Variants in CCDC146 observed in about 807,000 individuals in gnomAD.
CCDC146 encodes coiled-coil domain containing 146.
Under a neutral mutation model 119.3 loss-of-function variants are expected in CCDC146, and 92 were observed. The ratio of observed to expected loss-of-function variants is 0.77; its 90% confidence interval spans 0.65 to 0.92. CCDC146 has a LOEUF of 0.92. Among genes scored for constraint, CCDC146 ranks in the 40% least tolerant of loss-of-function variants. The probability of loss-of-function intolerance (pLI) is 0.00; values close to 1 mark genes in which losing one functional copy is unlikely to be tolerated. For synonymous variants in CCDC146, 372 were observed against 371.8 expected, an observed-to-expected ratio of 1.00 and a Z score of -0.01; for missense variants, 1,000 against 1,103.0, an observed-to-expected ratio of 0.91 and a Z score of 1.32.
At chr7:77,198,127 CGGTGAA>C in intron 2 of CCDC146, 1 of 985,130 alleles carries the variant, frequency 1.0e-6, no homozygotes, top group Non-Finnish European at 1.2e-6. Context: ...GTCACCTAAG[CGGTGAA>C]CCTTGGATTC....
intron 4 of CCDC146, 28 bp downstream of exon 4, chr7:77,241,928 T>C (rs1292020488): frequency 6.5e-7 from 1 of 1,543,790 alleles, no homozygotes; most frequent in African/African-American, 1.4e-5. Context: ...TCCGGCACAC[T>C]GAAAAGTCTT....
At chr7:77,145,831 C>T (rs1352004624) in intron 1 of CCDC146, among the ~76,000 whole-genome samples, 1 of 152,126 alleles carries the variant, frequency 6.6e-6, no homozygotes, top group African/African-American at 2.4e-5. Flanking sequence ...GAGTGCTTTA[C>T]TTCCAACTAA....
chr7:77,209,915 G>A (rs963049986), intron 2 of CCDC146, among the ~76,000 whole-genome samples: 1 of 152,236 alleles, frequency 6.6e-6, no homozygotes, highest in Non-Finnish European at 1.5e-5. Context: ...GCTGCACAGA[G>A]CAGTGGGGCC....
At chr7:77,209,799 G>A (rs1792148255) in intron 2 of CCDC146, among the ~76,000 whole-genome samples, 1 of 152,198 alleles carries the variant, frequency 6.6e-6, no homozygotes, top group Non-Finnish European at 1.5e-5. Context: ...AAGCCATCAA[G>A]GCTTGGGGCT....
chr7:77,164,530 A>T (rs1791313052), intron 1 of CCDC146, among the ~76,000 whole-genome samples: 1 of 152,212 alleles, frequency 6.6e-6, no homozygotes, highest in African/African-American at 2.4e-5. Context: ...GAGCCTCCTG[A>T]TGGAAGTATA....
intron 2 of CCDC146, among the ~76,000 whole-genome samples, chr7:77,224,273 G>T (rs1584088247): frequency 6.6e-6 from 1 of 152,160 alleles, no homozygotes; most frequent in South Asian, 2.1e-4. Context: ...TTAGTTGCTT[G>T]CCTTTTCCAG....
intron 4 of CCDC146, among the ~76,000 whole-genome samples, chr7:77,252,554 T>C (rs1793095638): frequency 6.6e-6 from 1 of 152,222 alleles, no homozygotes; most frequent in Admixed American, 6.5e-5. Flanking sequence ...TGAGTTTTAA[T>C]TTGATGGGCC....
intron 2 of CCDC146, among the ~76,000 whole-genome samples, chr7:77,212,950 ATTTTTT>A (rs5885013): frequency 3.4e-4 from 38 of 111,284 alleles, no homozygotes; most frequent in Middle Eastern, 4.7e-3. Flanking sequence ...GGTCACATTA[ATTTTTT>A]TTTTTTTTTT....
At chr7:77,199,522 C>G (rs148297585) in intron 2 of CCDC146, 2 of 1,614,140 alleles carry the variant, frequency 1.2e-6, no homozygotes, top group Admixed American at 3.3e-5. Context: ...TTTCTTTAGA[C>G]TATTTACGAT....
In CCDC146 at chr7:77,230,198, T is replaced by G. The variant is rs1178621989; in HGVS notation, c.157-6749T>G. 2.6e-5 allele frequency among the ~76,000 whole-genome samples: 4 copies of G among 152,224 alleles called. No homozygotes were observed. In the East Asian group the frequency reaches 5.8e-4, roughly 22 times the overall value. Reference sequence around the variant, plus strand: ...TTTTGTTTGTCCATTTGTCAATTGATGGACTTGTAGGTTGTTTCTCTTTTT... The same window carrying G: ...TTTTGTTTGTCCATTTGTCAATTGAGGGACTTGTAGGTTGTTTCTCTTTTT... On this transcript the variant is annotated intron_variant, in intron 2 of 18. Transcript: ENST00000285871.
At position 77,256,527 on chromosome 7, in the gene CCDC146, G is replaced by T; in HGVS notation, c.684+18G>T. Reference sequence around the variant, plus strand: ...TCCTAAAGGTGTGCTACTTACCGTTGATATTTAAACATTGTGCCTTGCATG... The same window carrying T: ...TCCTAAAGGTGTGCTACTTACCGTTTATATTTAAACATTGTGCCTTGCATG... On this transcript the variant is annotated intron_variant, in intron 6 of 18. Coordinates refer to ENST00000285871, the MANE Select transcript of CCDC146 (RefSeq NM_020879.3). 1 of 1,583,578 alleles carries T rather than the reference G, an allele frequency of 6.3e-7. No homozygotes were observed.
intron 2 of CCDC146, chr7:77,199,742 C>T (rs770148938): frequency 3.1e-6 from 5 of 1,613,942 alleles, no homozygotes; most frequent in Non-Finnish European, 4.2e-6. Flanking sequence ...ACCAAAAAAC[C>T]GTAAGTGGCA....
In CCDC146 at chr7:77,251,381, C is replaced by T. The variant is rs1166354133; in HGVS notation, c.450-3125C>T. On this transcript the variant is annotated intron_variant, in intron 4 of 18. Coordinates refer to ENST00000285871, the MANE Select transcript of CCDC146 (RefSeq NM_020879.3). ...TTCTCTCTACTTAAACTGCCCATTT[C>T]GGGATTGAGTTTATCTGTTAGCGTT... is the stretch of plus-strand genomic sequence containing the variant. Among the ~76,000 whole-genome samples, 5 of 152,180 alleles carry T rather than the reference C, an allele frequency of 3.3e-5. No homozygotes were observed. In the South Asian group the frequency reaches 6.2e-4, roughly 19 times the overall value.
intron 2 of CCDC146, among the ~76,000 whole-genome samples, chr7:77,215,403 T>G (rs550263270): frequency 6.6e-6 from 1 of 152,214 alleles, no homozygotes; most frequent in Non-Finnish European, 1.5e-5. Flanking sequence ...GAGGCTCATT[T>G]GTTTCCATGC....
intron 17 of CCDC146, among the ~76,000 whole-genome samples, chr7:77,289,375 C>T (rs1015444826): frequency 2.6e-5 from 4 of 152,134 alleles, no homozygotes; most frequent in Non-Finnish European, 5.9e-5. Flanking sequence ...AATTATTCTC[C>T]CCTTTCCTTT....
At chr7:77,123,732 A>G (rs1790657719) in intron 1 of CCDC146, among the ~76,000 whole-genome samples, 1 of 152,172 alleles carries the variant, frequency 6.6e-6, no homozygotes, top group African/African-American at 2.4e-5. Flanking sequence ...TCTCATGGGT[A>G]CAAGTCTCAG....
chr7:77,200,441 G>A (rs970573817), intron 2 of CCDC146, among the ~76,000 whole-genome samples: 2 of 152,236 alleles, frequency 1.3e-5, no homozygotes, highest in East Asian at 3.8e-4. Flanking sequence ...CCGTAGCATA[G>A]TGTATATTAA....
At chr7:77,245,082 T>C (rs1349696266) in intron 4 of CCDC146, among the ~76,000 whole-genome samples, 1 of 152,254 alleles carries the variant, frequency 6.6e-6, no homozygotes, top group Non-Finnish European at 1.5e-5. Context: ...TTTTTTTGTG[T>C]ATGTTCACAT....
At chr7:77,219,304 T>G (rs1362919491) in intron 2 of CCDC146, among the ~76,000 whole-genome samples, 2 of 152,186 alleles carry the variant, frequency 1.3e-5, no homozygotes, top group East Asian at 3.8e-4. Context: ...GGTATCAAAG[T>G]TTGGTATCAA....
Sources: gnomAD v4.1 joint callset for allele counts (sites outside exome capture counted in the v4.1 genomes callset) on GRCh38, gnomAD v4.1.1 for gene constraint, MANE v1.5 for transcripts, NCBI Gene and HGNC (gene_info 2026-07-23, HGNC 2026-07-21) for gene names.